Variants in CPAP observed in about 807,000 individuals in gnomAD.
The protein encoded by CPAP is centrosomal P4.1-associated protein.
the CPAP span, among the ~76,000 whole-genome samples, chr13:24,916,316 T>C: frequency 1.3e-5 from 2 of 151,952 alleles, no homozygotes; most frequent in Non-Finnish European, 2.9e-5. Flanking sequence ...GCAAAATATA[T>C]ATATAATCAA....
At chr13:24,931,025 G>C in the CPAP span, among the ~76,000 whole-genome samples, 1 of 152,110 alleles carries the variant, frequency 6.6e-6, no homozygotes, top group Non-Finnish European at 1.5e-5. Flanking sequence ...TCTCATTGCA[G>C]TTTTGATTTG....
At chr13:24,907,369 G>A in the CPAP span, among the ~76,000 whole-genome samples, 1 of 152,066 alleles carries the variant, frequency 6.6e-6, no homozygotes, top group African/African-American at 2.4e-5. Context: ...TTAAAATAAA[G>A]AAACATACAA....
the CPAP span, chr13:24,886,260 G>A: frequency 1.6e-6 from 2 of 1,255,336 alleles, no homozygotes; most frequent in Non-Finnish European, 2.1e-6. Flanking sequence ...GCAAGTGCCA[G>A]AATCTGACCT....
At chr13:24,883,946 A>G in the CPAP span, 3 of 1,613,968 alleles carry the variant, frequency 1.9e-6, no homozygotes, top group Non-Finnish European at 2.5e-6. Context: ...TTTTCTGTGA[A>G]CATAATGTTG....
chr13:24,911,990 T>G, the CPAP span: 9 of 1,614,182 alleles, frequency 5.6e-6, no homozygotes, highest in Non-Finnish European at 6.8e-6. Flanking sequence ...CAGCTTCTCT[T>G]GTTCTTCCAT....
the CPAP span, among the ~76,000 whole-genome samples, chr13:24,883,560 A>G: frequency 4.6e-5 from 7 of 152,302 alleles, no homozygotes; most frequent in South Asian, 1.5e-3. Flanking sequence ...TCAGATTAGC[A>G]TTGTTTTAAT....
the CPAP span, chr13:24,933,176 G>A: frequency 9.2e-6 from 13 of 1,412,964 alleles, no homozygotes; most frequent in Middle Eastern, 2.5e-4. Context: ...ATAAAACATC[G>A]CGCATTCAGG....
chr13:24,899,314 G>A, the CPAP span: 1 of 815,804 alleles, frequency 1.2e-6, no homozygotes, highest in African/African-American at 1.7e-5. Context: ...AATGAATAAT[G>A]GATTGATACA....
chr13:24,933,439 G>A, the CPAP span: 1,190 of 232,180 alleles, frequency 5.1e-3, 21 homozygotes, highest in African/African-American at 0.025. Context: ...ATCTATTCTT[G>A]AAGGAAAAAA....
At chr13:24,898,417 T>A in the CPAP span, among the ~76,000 whole-genome samples, 1 of 152,088 alleles carries the variant, frequency 6.6e-6, no homozygotes, top group South Asian at 2.1e-4. Flanking sequence ...CTTTCTATAA[T>A]AAAAAATTAT....
At chr13:24,895,340 C>G in the CPAP span, among the ~76,000 whole-genome samples, 1 of 152,204 alleles carries the variant, frequency 6.6e-6, no homozygotes. Context: ...CTTTGGGAGG[C>G]TGAGACGGGC....
the CPAP span, among the ~76,000 whole-genome samples, chr13:24,891,984 G>A: frequency 9.2e-5 from 14 of 152,046 alleles, no homozygotes; most frequent in African/African-American, 1.7e-4. Context: ...CCCAGACGGC[G>A]ACGCCACTCC....
the CPAP span, among the ~76,000 whole-genome samples, chr13:24,891,260 T>G: frequency 1.3e-5 from 2 of 152,216 alleles, no homozygotes; most frequent in South Asian, 4.2e-4. Context: ...GCTCTCTAGC[T>G]GCTCATCTGC....
chr13:24,913,904 A>G, the CPAP span, among the ~76,000 whole-genome samples: 3 of 152,240 alleles, frequency 2.0e-5, no homozygotes, highest in Admixed American at 1.3e-4. Context: ...TAAACAGGAC[A>G]TAACAGAGAA....
At chr13:24,883,362 T>C in the CPAP span, 1 of 1,601,400 alleles carries the variant, frequency 6.2e-7, no homozygotes. Context: ...ATGAGTTTGT[T>C]GCCATCACTG....
the CPAP span, among the ~76,000 whole-genome samples, chr13:24,920,235 C>T: frequency 0.14 from 20,761 of 152,194 alleles, 1,610 homozygotes; most frequent in East Asian, 0.32. Flanking sequence ...GCATAATCCA[C>T]GAATAGTATC....
the CPAP span, chr13:24,883,302 G>A: frequency 4.3e-6 from 7 of 1,613,604 alleles, no homozygotes; most frequent in East Asian, 2.2e-5. Context: ...GGGTATTCCC[G>A]TCTCTTGAAC....
the CPAP span, among the ~76,000 whole-genome samples, chr13:24,929,025 T>A: frequency 6.6e-6 from 1 of 151,248 alleles, no homozygotes; most frequent in South Asian, 2.1e-4. Context: ...ATAACAACAA[T>A]TACATAGTAG....
At chr13:24,884,724 GA>G in the CPAP span, among the ~76,000 whole-genome samples, 1 of 152,168 alleles carries the variant, frequency 6.6e-6, no homozygotes, top group Non-Finnish European at 1.5e-5. Flanking sequence ...CTTTGTACAG[GA>G]AAGTCTAACT....
Sources: gnomAD v4.1 joint callset for allele counts (sites outside exome capture counted in the v4.1 genomes callset) on GRCh38, gnomAD v4.1.1 for gene constraint, MANE v1.5 for transcripts, NCBI Gene and HGNC (gene_info 2026-07-23, HGNC 2026-07-21) for gene names.